The following DOCK5 variants were observed in gnomAD, a reference collection of about 807,000 sequenced individuals.
The protein encoded by DOCK5 is dedicator of cytokinesis 5, also known as dedicator of cytokinesis protein 5.
A neutral mutation model predicts 251.8 loss-of-function variants in DOCK5; 142 were observed. The ratio of observed to expected loss-of-function variants is 0.56; its 90% CI spans 0.49 to 0.65. The LOEUF (loss-of-function observed/expected upper bound fraction) is 0.65, where lower values mean the gene tolerates loss of function less well. DOCK5 is among the 30% of genes least tolerant of loss of function. The pLI, the probability that DOCK5 is intolerant of heterozygous loss-of-function variation, is 0.00. For synonymous variants in DOCK5, 842 were observed against 835.5 expected (o/e 1.01, Z -0.13); for missense variants, 2,111 against 2,312.3 (o/e 0.91, Z 1.79).
chr8:25,395,930 GCGTC>G, intron 45 of DOCK5: 1 of 673,104 alleles, frequency 1.5e-6, no homozygotes, highest in Admixed American at 2.4e-5. Context: ...ACCTAGTAAA[GCGTC>G]ACAGAAAAAA....
At chr8:25,310,032 G>T (rs1805046690) in intron 12 of DOCK5, among the ~76,000 whole-genome samples, 1 of 152,022 alleles carries the variant, frequency 6.6e-6, no homozygotes, top group Non-Finnish European at 1.5e-5. Flanking sequence ...TTTTTTTCAT[G>T]ATTTGTTATG....
At chr8:25,409,052 C>A in intron 50 of DOCK5, 112 bp downstream of exon 50, 2 of 1,485,388 alleles carry the variant, frequency 1.3e-6, no homozygotes, top group Non-Finnish European at 1.9e-6. Flanking sequence ...CATTGTAAAA[C>A]TGGTTCAATT....
intron 1 of DOCK5, among the ~76,000 whole-genome samples, chr8:25,226,150 A>G (rs1186732492): frequency 6.6e-6 from 1 of 152,172 alleles, no homozygotes; most frequent in African/African-American, 2.4e-5. Context: ...AATGAAACAA[A>G]CATAGAAATA....
intron 38 of DOCK5, among the ~76,000 whole-genome samples, chr8:25,378,865 TAAAGAG>T (rs1318986658): frequency 1.3e-5 from 2 of 152,086 alleles, no homozygotes; most frequent in Admixed American, 6.5e-5. Context: ...GGCTGATAAA[TAAAGAG>T]AAAGAGTACA....
chr8:25,382,683 G>T lies in DOCK5; in HGVS notation c.4036G>T (p.Ala1346Ser), dbSNP rs1245774281. ...TTGTTTTGTTTTCCAGAAAAAAAGG[G>T]CCTCATTTTATGAGAACATCATTAA... Reference protein sequence around the residue: ...EGLGNLLKKRASFYENIIKAM... With the variant: ...EGLGNLLKKRSSFYENIIKAM... Residue 1346 changes from alanine (A) to serine (S), a missense_variant, in exon 40 of 52, where the codon GCC becomes TCC. Physicochemically the swap from Ala to Ser is moderately conservative, Grantham distance 99. Transcript: ENST00000276440. The T allele has an allele frequency of 3.7e-6, 6 of 1,609,630 alleles. No homozygotes were observed. Among genetic ancestry groups the T allele is most frequent in the East Asian group, 2.2e-5 (1 of 44,798 alleles).
At chr8:25,386,426 C>G (rs1346553565) in intron 40 of DOCK5, among the ~76,000 whole-genome samples, 1 of 152,048 alleles carries the variant, frequency 6.6e-6, no homozygotes, top group African/African-American at 2.4e-5. Context: ...ATGACCCCGT[C>G]TCTATAAAAA....
intron 2 of DOCK5, among the ~76,000 whole-genome samples, chr8:25,255,584 A>G (rs1470641126): frequency 2.6e-5 from 4 of 152,200 alleles, no homozygotes; most frequent in Non-Finnish European, 1.5e-5. Flanking sequence ...TCTACTCTGT[A>G]TGATACTGTA....
chr8:25,407,317 G>A (rs1262632676), intron 48 of DOCK5, among the ~76,000 whole-genome samples: 2 of 151,912 alleles, frequency 1.3e-5, no homozygotes, highest in Non-Finnish European at 2.9e-5. Flanking sequence ...TTTGTGGGTA[G>A]GATTTGAACA....
chr8:25,270,701 A>C (rs1803884616), intron 3 of DOCK5: 1 of 564,206 alleles, frequency 1.8e-6, no homozygotes, highest in Non-Finnish European at 3.3e-6. Context: ...CATAGACTAC[A>C]GTATGTAAGG....
intron 44 of DOCK5, among the ~76,000 whole-genome samples, chr8:25,394,318 T>A (rs1188703819): frequency 6.6e-6 from 1 of 152,280 alleles, no homozygotes; most frequent in African/African-American, 2.4e-5. Flanking sequence ...GAGGTCATGT[T>A]GACTGATAAT....
intron 43 of DOCK5, among the ~76,000 whole-genome samples, chr8:25,392,272 C>CCAGCATGG: frequency 6.7e-6 from 1 of 150,368 alleles, no homozygotes; most frequent in South Asian, 2.1e-4. Flanking sequence ...CCACTGCACT[C>CCAGCATGG]CAGCATGGGC....
chr8:25,397,386 G>GTAATTGGAA (rs1234275034), intron 45 of DOCK5, among the ~76,000 whole-genome samples: 4 of 152,204 alleles, frequency 2.6e-5, no homozygotes, highest in African/African-American at 9.6e-5. Context: ...AGCAGACGGT[G>GTAATTGGAA]TAATTGGAAT....
chr8:25,407,953 G>A (rs745324696), intron 48 of DOCK5, 30 bp from the exon 49 acceptor site: 15 of 1,597,002 alleles, frequency 9.4e-6, no homozygotes, highest in African/African-American at 1.4e-5. Flanking sequence ...ATCAGTATTT[G>A]TGATGTTTGT....
At chr8:25,196,337 A>G (rs890967277) in intron 1 of DOCK5, among the ~76,000 whole-genome samples, 1 of 152,250 alleles carries the variant, frequency 6.6e-6, no homozygotes, top group African/African-American at 2.4e-5. Context: ...TGGAAAGGAA[A>G]GAAGGCGCAG....
chr8:25,364,794 CTG>C, intron 30 of DOCK5, 90 bp downstream of exon 30: 1 of 943,938 alleles, frequency 1.1e-6, no homozygotes. Context: ...TCAGATTTCA[CTG>C]TTTTCACATG....
intron 27 of DOCK5, among the ~76,000 whole-genome samples, chr8:25,353,569 A>AT (rs200398013): frequency 0.018 from 2,645 of 147,716 alleles, 34 homozygotes; most frequent in African/African-American, 0.045. Flanking sequence ...AGGAAATACT[A>AT]TTTTTTTTTT....
At chr8:25,309,853 T>C (rs1169407744) in intron 12 of DOCK5, among the ~76,000 whole-genome samples, 2 of 151,714 alleles carry the variant, frequency 1.3e-5, no homozygotes, top group Non-Finnish European at 2.9e-5. Flanking sequence ...GACAGAAAAA[T>C]GGTTTGTTCT....
chr8:25,409,845 CA>C, intron 50 of DOCK5: 2 of 304,038 alleles, frequency 6.6e-6, no homozygotes, highest in Non-Finnish European at 1.2e-5. Context: ...GACTCCATCT[CA>C]AAAAAACAAA....
In DOCK5 at chr8:25,339,200, C is replaced by T. The variant is rs1805888612; in HGVS notation, c.2328-1677C>T. Among the ~76,000 whole-genome samples, 3 of 152,318 alleles carry T rather than the reference C, an allele frequency of 2.0e-5. No homozygotes were observed. The South Asian group carries it at 6.2e-4, about 32-fold the overall frequency. Reference sequence around the variant, plus strand: ...GGGCCCCCTGTTGCCTTCCGCAGAGCTTAAATCTCTCTTATGAGCTCATTA... The same window carrying T: ...GGGCCCCCTGTTGCCTTCCGCAGAGTTTAAATCTCTCTTATGAGCTCATTA... On this transcript the variant is annotated intron_variant, in intron 22 of 51. Transcript: ENST00000276440.
Sources: gnomAD v4.1 joint callset for allele counts (sites outside exome capture counted in the v4.1 genomes callset) on GRCh38, gnomAD v4.1.1 for gene constraint, MANE v1.5 for transcripts, NCBI Gene and HGNC (gene_info 2026-07-23, HGNC 2026-07-21) for gene names.